MSH4: variants seen among roughly 807,000 people sequenced by gnomAD.
MSH4 encodes the protein mutS protein homolog 4.
MSH4 carries 106 observed loss-of-function variants against 113.7 expected under a neutral mutation model. That is an observed-to-expected ratio of 0.93 (90% confidence interval 0.80 to 1.10). The LOEUF (loss-of-function observed/expected upper bound fraction) is 1.10. Among genes scored for constraint, MSH4 ranks in the 50% least tolerant of loss-of-function variants. MSH4 has a pLI of 0.00. For missense variants in MSH4, 1,061 were observed against 1,093.7 expected (o/e 0.97, Z 0.42); for synonymous variants, 368 against 380.2 (o/e 0.97, Z 0.37).
At chr1:75,906,841 CTTT>C (rs35554554) in intron 19 of MSH4, among the ~76,000 whole-genome samples, 1 of 121,634 alleles carries the variant, frequency 8.2e-6, no homozygotes, top group African/African-American at 3.0e-5. Flanking sequence ...TTTTTTTTTT[CTTT>C]TTTTTTTGAG....
intron 10 of MSH4, 54 bp downstream of exon 10, chr1:75,877,054 C>T: frequency 8.3e-7 from 1 of 1,199,512 alleles, no homozygotes; most frequent in Middle Eastern, 2.0e-4. Context: ...TCTTCCTGAT[C>T]ATAACTGATT....
At position 75,899,638 on chromosome 1, in the gene MSH4, T is replaced by G. The variant is rs745712138; in HGVS notation, c.2551T>G (p.Ser851Ala). ...KNYGLKAAEVSSLPPSIVLDA... is the reference protein window; with the variant it reads ...KNYGLKAAEVASLPPSIVLDA... ...TCTAGGATTAAAAGCTGCAGAGGTGTCATCACTTCCACCATCAATTGTCTT... is the reference window on the plus strand; with the variant it reads ...TCTAGGATTAAAAGCTGCAGAGGTGGCATCACTTCCACCATCAATTGTCTT... Residue 851 changes from serine to alanine, a missense_variant, in exon 19 of 20, where the codon TCA becomes GCA. Physicochemically the swap from Ser to Ala is moderately conservative, Grantham distance 99. Coordinates refer to ENST00000263187, the MANE Select transcript of MSH4 (RefSeq NM_002440.4). The G allele has an allele frequency of 6.7e-7, 1 of 1,501,904 alleles. No individual in the cohort carries two copies. The highest frequency in any genetic ancestry group is 2.6e-5 in the East Asian group (1 of 38,032). The allele number at this position is 1,501,904 out of a possible 1,614,324, so 93.0% of individuals were successfully genotyped here. A position where few individuals can be genotyped will look rare whatever the true frequency, so the allele number is the denominator to read the frequency against.
At chr1:75,880,025 C>A in intron 12 of MSH4, 25 bp from the exon 13 acceptor site, 1 of 1,156,292 alleles carries the variant, frequency 8.6e-7, no homozygotes, top group Non-Finnish European at 1.3e-6. Flanking sequence ...TTTATCTTGA[C>A]ATTTGTTTTT....
intron 8 of MSH4, among the ~76,000 whole-genome samples, chr1:75,855,921 C>A (rs563831027): frequency 1.3e-5 from 2 of 152,250 alleles, no homozygotes; most frequent in South Asian, 4.1e-4. Flanking sequence ...TCAGATTATA[C>A]CTGACAGCAA....
At chr1:75,825,590 G>A (rs985425649) in intron 7 of MSH4, among the ~76,000 whole-genome samples, 2 of 152,132 alleles carry the variant, frequency 1.3e-5, no homozygotes, top group Admixed American at 1.3e-4. Flanking sequence ...ATATGATATT[G>A]GCTGTGGGTT....
intron 9 of MSH4, among the ~76,000 whole-genome samples, chr1:75,872,290 GT>G (rs1344652610): frequency 6.6e-6 from 1 of 152,018 alleles, no homozygotes; most frequent in Non-Finnish European, 1.5e-5. Flanking sequence ...GTGCATTACT[GT>G]TTTTTTGCTT....
intron 15 of MSH4, among the ~76,000 whole-genome samples, chr1:75,885,317 G>GA (rs370170925): frequency 1.3e-5 from 1 of 79,826 alleles, no homozygotes; most frequent in African/African-American, 4.1e-5. Context: ...CTCACACTGG[G>GA]GGTGTGTGTG....
intron 6 of MSH4, among the ~76,000 whole-genome samples, chr1:75,817,436 G>T (rs748252587): frequency 1.3e-5 from 2 of 152,038 alleles, no homozygotes; most frequent in African/African-American, 2.4e-5. Context: ...GACCAAGCCT[G>T]GTAGTTATTA....
At chr1:75,830,454 T>C (rs1389219635) in intron 7 of MSH4, among the ~76,000 whole-genome samples, 1 of 152,006 alleles carries the variant, frequency 6.6e-6, no homozygotes, top group African/African-American at 2.4e-5. Context: ...GCAAAGATAC[T>C]CCTCAAGAAG....
chr1:75,820,062 ATGAAATTGTCT>A (rs1469919682), intron 6 of MSH4, among the ~76,000 whole-genome samples: 3 of 150,088 alleles, frequency 2.0e-5, no homozygotes, highest in Non-Finnish European at 3.0e-5. Context: ...CCTAGGAATT[ATGAAATTGTCT>A]TGTACTTGTC....
chr1:75,891,643 G>A (rs1173946715), intron 17 of MSH4, among the ~76,000 whole-genome samples: 13 of 151,878 alleles, frequency 8.6e-5, no homozygotes, highest in East Asian at 5.8e-4. Flanking sequence ...TAGCTGTGAC[G>A]GGGTTTCACC....
At chr1:75,846,981 T>C (rs2100545166) in intron 7 of MSH4, among the ~76,000 whole-genome samples, 1 of 152,310 alleles carries the variant, frequency 6.6e-6, no homozygotes, top group East Asian at 1.9e-4. Context: ...TTTCTTACAG[T>C]TCTGGAGGTG....
At chr1:75,909,604 TGCA>T (rs1652744118) in intron 19 of MSH4, among the ~76,000 whole-genome samples, 1 of 152,132 alleles carries the variant, frequency 6.6e-6, no homozygotes, top group African/African-American at 2.4e-5. Flanking sequence ...AAGTCCCGCA[TGCA>T]TTAGATATTT....
At chr1:75,811,566 G>A (rs1650189717) in intron 4 of MSH4, among the ~76,000 whole-genome samples, 1 of 152,108 alleles carries the variant, frequency 6.6e-6, no homozygotes, top group Admixed American at 6.6e-5. Flanking sequence ...TTACAGAATT[G>A]TTTCAGCTTC....
Position 75,834,447 on chromosome 1 carries a change from T to C in MSH4, c.1162+11866T>C, listed in dbSNP as rs1162278196. On this transcript the variant is annotated intron_variant, in intron 7 of 19. Coordinates refer to ENST00000263187, the MANE Select transcript of MSH4 (RefSeq NM_002440.4). ...ATTACTGGGCATATACCCAAAGGAT[T>C]GTAAATCATGCTGCTATAAAGACAC... 2.0e-5 allele frequency among the ~76,000 whole-genome samples: 3 copies of C among 152,234 alleles called. No homozygotes were observed. The South Asian group carries it at 6.2e-4, about 31-fold the overall frequency.
At chr1:75,814,184 G>GTCTC (rs1178642553) in intron 4 of MSH4, among the ~76,000 whole-genome samples, 1 of 151,306 alleles carries the variant, frequency 6.6e-6, no homozygotes, top group African/African-American at 2.4e-5. Flanking sequence ...GGGTGCTGAT[G>GTCTC]TCTCACACTG....
chr1:75,884,886 T>A (rs542941870), intron 15 of MSH4, among the ~76,000 whole-genome samples: 35 of 151,812 alleles, frequency 2.3e-4, no homozygotes, highest in Middle Eastern at 3.4e-3. Flanking sequence ...CTTCGCCTTA[T>A]AAGAATACTG....
chr1:75,882,694 T>C (rs1468470094), intron 14 of MSH4, among the ~76,000 whole-genome samples: 1 of 117,088 alleles, frequency 8.5e-6, no homozygotes, highest in Admixed American at 9.3e-5. Context: ...AAAAAATCGG[T>C]GAGAAGTGGT....
intron 1 of MSH4, among the ~76,000 whole-genome samples, chr1:75,800,352 G>A (rs573300087): frequency 6.6e-6 from 1 of 152,272 alleles, no homozygotes; most frequent in East Asian, 1.9e-4. Context: ...CCCATATAAT[G>A]AAGTTATATT....
Sources: gnomAD v4.1 joint callset for allele counts (sites outside exome capture counted in the v4.1 genomes callset) on GRCh38, gnomAD v4.1.1 for gene constraint, MANE v1.5 for transcripts, NCBI Gene and HGNC (gene_info 2026-07-23, HGNC 2026-07-21) for gene names.